The following EPHA6 variants were observed in gnomAD, a reference collection of about 807,000 sequenced individuals.
EPHA6 encodes EPH receptor A6.
In EPHA6, 50 loss-of-function variants were observed where a neutral mutation model predicts 112.0. The ratio of observed to expected loss-of-function variants is 0.45; its 90% CI spans 0.36 to 0.56. The LOEUF is 0.56. Among genes scored for constraint, EPHA6 ranks in the 20% least tolerant of loss-of-function variants. The pLI is 0.00. For synonymous variants in EPHA6, 529 were observed against 490.7 expected (o/e 1.08, Z -1.03); for missense variants, 1,280 against 1,417.4 (o/e 0.90, Z 1.56).
At chr3:97,250,673 C>G (rs1400586214) in intron 5 of EPHA6, among the ~76,000 whole-genome samples, 1 of 152,066 alleles carries the variant, frequency 6.6e-6, no homozygotes. Context: ...ATATAAGGCT[C>G]TACTTTATGG....
chr3:97,363,072 T>A (rs1057287851), intron 5 of EPHA6, among the ~76,000 whole-genome samples: 89 of 147,178 alleles, frequency 6.0e-4, no homozygotes, highest in Non-Finnish European at 1.2e-3. Context: ...GTTAATAAGG[T>A]TAAGAACTCT....
intron 1 of EPHA6, among the ~76,000 whole-genome samples, chr3:96,825,491 C>T (rs1200456263): frequency 6.6e-6 from 1 of 151,752 alleles, no homozygotes; most frequent in East Asian, 1.9e-4. Context: ...TTGTCATCCC[C>T]TATCATGTTA....
Position 97,706,791 on chromosome 3 carries a change from T to G in EPHA6, c.2785-13470T>G, listed in dbSNP as rs567040397. 3.2e-5 allele frequency among the ~76,000 whole-genome samples: 4 copies of G among 125,662 alleles called. No individual in the cohort carries two copies. In the South Asian group the frequency reaches 6.3e-4, roughly 20 times the overall value. 82.4% of individuals were successfully genotyped at this position (125,662 alleles called of 152,430 possible). On this transcript the variant is annotated intron_variant, in intron 14 of 17. Transcript: ENST00000389672. ...ACTGATCCCTCCTTTGTTTTGTTGT[T>G]TTTTTTTTTTTGCTGCCAATTGAAT... is the stretch of plus-strand genomic sequence containing the variant.
chr3:97,502,554 G>A (rs1444565637), intron 10 of EPHA6, among the ~76,000 whole-genome samples: 3 of 151,830 alleles, frequency 2.0e-5, no homozygotes, highest in Non-Finnish European at 2.9e-5. Flanking sequence ...GTCAATATGG[G>A]CTGGGTGTGG....
intron 11 of EPHA6, among the ~76,000 whole-genome samples, chr3:97,560,043 G>GA (rs528463294): frequency 5.6e-4 from 85 of 150,788 alleles, no homozygotes; most frequent in Middle Eastern, 3.4e-3. Context: ...AGAAAAAAAA[G>GA]AAAAAAATCC....
chr3:97,171,049 A>G (rs1041037276), intron 3 of EPHA6, among the ~76,000 whole-genome samples: 2 of 152,194 alleles, frequency 1.3e-5, no homozygotes, highest in Non-Finnish European at 2.9e-5. Flanking sequence ...AAGGAGTGAG[A>G]AACTCACCAT....
chr3:97,063,731 C>G (rs566947594), intron 3 of EPHA6, among the ~76,000 whole-genome samples: 1 of 152,068 alleles, frequency 6.6e-6, no homozygotes, highest in East Asian at 1.9e-4. Context: ...AAAGAAAGGA[C>G]AGGAGAAGCA....
intron 5 of EPHA6, among the ~76,000 whole-genome samples, chr3:97,313,086 G>T (rs2081637427): frequency 1.3e-5 from 2 of 151,322 alleles, no homozygotes; most frequent in Non-Finnish European, 3.0e-5. Context: ...TCTCCCCTCA[G>T]CTACTGGTTA....
chr3:96,945,804 C>A (rs992755955), intron 2 of EPHA6, among the ~76,000 whole-genome samples: 3 of 152,100 alleles, frequency 2.0e-5, no homozygotes, highest in African/African-American at 7.2e-5. Context: ...AATGCATGAT[C>A]TTGTTACAGT....
At chr3:97,309,625 G>A (rs2081464914) in intron 5 of EPHA6, among the ~76,000 whole-genome samples, 2 of 151,450 alleles carry the variant, frequency 1.3e-5, no homozygotes, top group African/African-American at 2.4e-5. Flanking sequence ...ACATATTTAA[G>A]TACTACTTAC....
intron 2 of EPHA6, among the ~76,000 whole-genome samples, chr3:96,930,556 T>C (rs2040259429): frequency 1.3e-5 from 2 of 152,176 alleles, no homozygotes; most frequent in Admixed American, 6.5e-5. Flanking sequence ...ACAGCAAACA[T>C]TGTAGCCTCC....
In EPHA6 at chr3:97,145,793, A is replaced by G. The variant is rs557212892; in HGVS notation, c.1115-80471A>G. 3.3e-5 allele frequency among the ~76,000 whole-genome samples: 5 copies of G among 151,820 alleles called. No homozygotes were observed. In the South Asian group the frequency reaches 6.2e-4, roughly 19 times the overall value. Reference sequence around the variant, plus strand: ...GAGAAAAATTATTTTGTATTTTTACAAAGTGTTTTGGGTGCAACGTGTAGC... The same window carrying G: ...GAGAAAAATTATTTTGTATTTTTACGAAGTGTTTTGGGTGCAACGTGTAGC... On this transcript the variant is annotated intron_variant, in intron 3 of 17. Coordinates refer to ENST00000389672, the MANE Select transcript of EPHA6 (RefSeq NM_001080448.3).
At chr3:97,551,193 T>C (rs2093024034) in intron 11 of EPHA6, among the ~76,000 whole-genome samples, 1 of 152,150 alleles carries the variant, frequency 6.6e-6, no homozygotes, top group Admixed American at 6.6e-5. Context: ...CCACAGCAAA[T>C]TCATCTTTAT....
Position 97,526,727 on chromosome 3 carries a change from C to G in EPHA6, c.2201-5631C>G, listed in dbSNP as rs78556613. On this transcript the variant is annotated intron_variant, in intron 10 of 17. Coordinates refer to ENST00000389672, the MANE Select transcript of EPHA6 (RefSeq NM_001080448.3). Reference sequence around the variant, plus strand: ...TGTTATGGGATGGAAGTTGTCAAGCCCATTAGCACTGATGGGCTAGTCACC... The same window carrying G: ...TGTTATGGGATGGAAGTTGTCAAGCGCATTAGCACTGATGGGCTAGTCACC... Among the ~76,000 whole-genome samples, 243 of 152,222 alleles carry G rather than the reference C, an allele frequency of 1.6e-3. 2 individuals are homozygous for G. The East Asian group carries it at 0.025, about 16-fold the overall frequency.
intron 3 of EPHA6, among the ~76,000 whole-genome samples, chr3:97,201,881 G>T (rs934882551): frequency 7.2e-5 from 11 of 152,086 alleles, no homozygotes; most frequent in African/African-American, 2.4e-4. Context: ...CTGAATTAAT[G>T]CTGGCACACA....
intron 3 of EPHA6, among the ~76,000 whole-genome samples, chr3:97,167,289 A>T (rs1164049506): frequency 6.6e-6 from 1 of 152,050 alleles, no homozygotes; most frequent in Non-Finnish European, 1.5e-5. Context: ...TCTACCACCA[A>T]CCTAAAAGTA....
intron 3 of EPHA6, among the ~76,000 whole-genome samples, chr3:97,078,318 C>CA (rs2046606233): frequency 6.6e-6 from 1 of 152,004 alleles, no homozygotes; most frequent in Admixed American, 6.6e-5. Context: ...GGGTAGATTG[C>CA]AAAAAATTTC....
chr3:97,650,057 A>C (rs919911178), intron 14 of EPHA6, among the ~76,000 whole-genome samples: 1 of 152,174 alleles, frequency 6.6e-6, no homozygotes, highest in African/African-American at 2.4e-5. Context: ...TATTCTTAAA[A>C]ATTAGTAGTC....
chr3:97,299,514 G>T (rs891428014), intron 5 of EPHA6, among the ~76,000 whole-genome samples: 5 of 152,100 alleles, frequency 3.3e-5, no homozygotes, highest in Non-Finnish European at 7.4e-5. Context: ...CTTCCTAGAA[G>T]TTCTGAAGCA....
Sources: gnomAD v4.1 joint callset for allele counts (sites outside exome capture counted in the v4.1 genomes callset) on GRCh38, gnomAD v4.1.1 for gene constraint, MANE v1.5 for transcripts, NCBI Gene and HGNC (gene_info 2026-07-23, HGNC 2026-07-21) for gene names.